Variants in MRPL1 observed in about 807,000 individuals in gnomAD.
MRPL1 encodes the protein large ribosomal subunit protein uL1m.
Under a neutral mutation model 38.0 loss-of-function variants are expected in MRPL1, and 28 were observed. The observed-to-expected ratio is 0.74, with a 90% CI of 0.55 to 1.01. The LOEUF is 1.01. MRPL1 is among the 50% of genes least tolerant of loss of function. MRPL1 has a pLI of 0.00. For missense variants in MRPL1, 358 were observed against 389.8 expected, an observed-to-expected ratio of 0.92 and a Z score of 0.69; for synonymous variants, 123 against 126.7, an observed-to-expected ratio of 0.97 and a Z score of 0.20.
intron 2 of MRPL1, among the ~76,000 whole-genome samples, chr4:77,882,929 T>C (rs1356723178): frequency 6.6e-6 from 1 of 152,246 alleles, no homozygotes; most frequent in African/African-American, 2.4e-5. Context: ...ATGTCTTTTC[T>C]GTCAGGCTCT....
intron 7 of MRPL1, among the ~76,000 whole-genome samples, chr4:77,923,991 A>G (rs879733559): frequency 1.0e-4 from 10 of 97,250 alleles, no homozygotes; most frequent in Non-Finnish European, 2.0e-4. Flanking sequence ...ACAGGGTAGG[A>G]CTCTGTCTCA....
chr4:77,886,165 T>G (rs1422951533), intron 4 of MRPL1, among the ~76,000 whole-genome samples: 2 of 152,140 alleles, frequency 1.3e-5, no homozygotes, highest in African/African-American at 4.8e-5. Flanking sequence ...TAATTGAAAA[T>G]TCATGCATTC....
intron 7 of MRPL1, among the ~76,000 whole-genome samples, chr4:77,920,744 A>G (rs1441986297): frequency 6.6e-6 from 1 of 151,294 alleles, no homozygotes; most frequent in Non-Finnish European, 1.5e-5. Flanking sequence ...CCTCTATAGT[A>G]CCCTTCTCCC....
chr4:77,941,651 A>G (rs559042031), intron 7 of MRPL1, among the ~76,000 whole-genome samples: 2 of 152,164 alleles, frequency 1.3e-5, no homozygotes, highest in South Asian at 4.1e-4. Flanking sequence ...TAGGTTTTCT[A>G]TGTGCGTAAA....
intron 7 of MRPL1, among the ~76,000 whole-genome samples, chr4:77,940,507 T>A (rs139910501): frequency 3.0e-4 from 45 of 152,312 alleles, no homozygotes; most frequent in African/African-American, 1.0e-3. Context: ...ACAATTTGAC[T>A]TCCTCTTTAT....
intron 7 of MRPL1, among the ~76,000 whole-genome samples, chr4:77,915,762 G>A (rs1736410019): frequency 6.6e-6 from 1 of 152,152 alleles, no homozygotes; most frequent in Non-Finnish European, 1.5e-5. Flanking sequence ...AACTTACATA[G>A]TCATGAAATT....
chr4:77,935,649 G>C (rs908298242), intron 7 of MRPL1, among the ~76,000 whole-genome samples: 1 of 152,164 alleles, frequency 6.6e-6, no homozygotes, highest in Admixed American at 6.5e-5. Context: ...ACCTGCCTTG[G>C]CCTGCCAAAG....
chr4:77,871,545 T>C (rs984021681), intron 1 of MRPL1, among the ~76,000 whole-genome samples, 199 bp from the exon 2 acceptor site: 1 of 152,064 alleles, frequency 6.6e-6, no homozygotes, highest in African/African-American at 2.4e-5. Context: ...ACCTCGTGAT[T>C]CACCCGCCTC....
At chr4:77,940,925 CT>C (rs1047056557) in intron 7 of MRPL1, among the ~76,000 whole-genome samples, 6 of 152,056 alleles carry the variant, frequency 3.9e-5, no homozygotes, top group Admixed American at 3.3e-4. Context: ...TTTTGATATA[CT>C]GTTGGATTTG....
At chr4:77,883,151 GTTTT>G in intron 2 of MRPL1, 87 bp from the exon 3 acceptor site, 1 of 781,034 alleles carries the variant, frequency 1.3e-6, no homozygotes, top group Non-Finnish European at 1.8e-6. Context: ...TTCATCCTTT[GTTTT>G]TTTTTCTCTT....
intron 7 of MRPL1, among the ~76,000 whole-genome samples, chr4:77,910,379 C>T (rs1281264518): frequency 1.3e-5 from 2 of 152,154 alleles, no homozygotes; most frequent in Non-Finnish European, 2.9e-5. Context: ...AGCTAGTAGT[C>T]CAAGCTCATT....
At chr4:77,866,728 C>T (rs1241162097) in intron 1 of MRPL1, among the ~76,000 whole-genome samples, 2 of 151,120 alleles carry the variant, frequency 1.3e-5, no homozygotes, top group Non-Finnish European at 2.9e-5. Context: ...CTTTTCAACT[C>T]TTTGCTGAAA....
At chr4:77,929,550 G>A (rs1222427460) in intron 7 of MRPL1, among the ~76,000 whole-genome samples, 2 of 152,060 alleles carry the variant, frequency 1.3e-5, no homozygotes, top group Non-Finnish European at 2.9e-5. Flanking sequence ...GATAAAAGCT[G>A]CTTTTGCCTC....
At chr4:77,896,604 CT>C (rs1211079044) in intron 6 of MRPL1, among the ~76,000 whole-genome samples, 1 of 152,202 alleles carries the variant, frequency 6.6e-6, no homozygotes, top group African/African-American at 2.4e-5. Flanking sequence ...TTGATTCCCC[CT>C]ATATCCAACA....
At chr4:77,950,517 C>G (rs1378114439) in intron 8 of MRPL1, among the ~76,000 whole-genome samples, 4 of 152,180 alleles carry the variant, frequency 2.6e-5, no homozygotes, top group African/African-American at 9.7e-5. Flanking sequence ...ACTCAATTGA[C>G]TACTCATTTG....
chr4:77,872,594 G>A (rs1409459995), intron 2 of MRPL1, among the ~76,000 whole-genome samples: 13 of 152,126 alleles, frequency 8.5e-5, no homozygotes, highest in African/African-American at 2.7e-4. Flanking sequence ...AGCGGGCACC[G>A]TGGCTCACAC....
intron 7 of MRPL1, among the ~76,000 whole-genome samples, chr4:77,947,189 A>G (rs17450279): frequency 0.12 from 18,362 of 152,210 alleles, 1,539 homozygotes; most frequent in Non-Finnish European, 0.17. Context: ...CTTTTGTAGA[A>G]GTCTTCCCAT....
chr4:77,894,796 G>C (rs1301654199), intron 6 of MRPL1, among the ~76,000 whole-genome samples: 3 of 152,138 alleles, frequency 2.0e-5, no homozygotes, highest in African/African-American at 7.2e-5. Flanking sequence ...GTGTTCAGTG[G>C]AGGTGGAGTT....
At chr4:77,883,171 C>A in intron 2 of MRPL1, 71 bp from the exon 3 acceptor site, 2 of 1,003,568 alleles carry the variant, frequency 2.0e-6, no homozygotes, top group Non-Finnish European at 2.8e-6. Context: ...CTCTTATGTA[C>A]ACTGGCTTTT....
Sources: allele counts gnomAD v4.1 joint callset (sites outside exome capture counted in the v4.1 genomes callset), GRCh38; gene constraint gnomAD v4.1.1; transcripts MANE v1.5; gene names NCBI Gene and HGNC (gene_info 2026-07-23, HGNC 2026-07-21).